The following ANO3 variants were observed in gnomAD, a reference collection of about 807,000 sequenced individuals.
ANO3 encodes anoctamin 3, also known as anoctamin-3.
Under a neutral mutation model 144.8 loss-of-function variants are expected in ANO3, and 99 were observed. That is an observed-to-expected ratio of 0.68 (90% CI 0.58 to 0.81). The LOEUF (loss-of-function observed/expected upper bound fraction) is 0.81. ANO3 is among the 30% of genes least tolerant of loss of function. The pLI is 0.00. For synonymous variants in ANO3, 414 were observed against 392.6 expected, an observed-to-expected ratio of 1.05 and a Z score of -0.64; for missense variants, 905 against 1,202.2, an observed-to-expected ratio of 0.75 and a Z score of 3.66.
chr11:26,476,897 G>T, intron 4 of ANO3, among the ~76,000 whole-genome samples: 1 of 122,852 alleles, frequency 8.1e-6, no homozygotes, highest in African/African-American at 2.9e-5. Context: ...TTTTGTGTGT[G>T]TGTGTATGTG....
chr11:26,444,073 CATT>C (rs1262059809), intron 3 of ANO3, among the ~76,000 whole-genome samples: 4 of 152,024 alleles, frequency 2.6e-5, no homozygotes, highest in Non-Finnish European at 4.4e-5. Flanking sequence ...CAATTTTTGC[CATT>C]ATTCTGAAAA....
intron 1 of ANO3, among the ~76,000 whole-genome samples, chr11:26,210,866 C>T (rs976899843): frequency 6.6e-6 from 1 of 151,916 alleles, no homozygotes; most frequent in Admixed American, 6.6e-5. Flanking sequence ...TGTTTATCAG[C>T]TTAAGGAGAT....
At chr11:26,307,757 TAAC>T (rs1554937096), upstream of ANO3, among the ~76,000 whole-genome samples, 1 of 144,840 alleles carries the variant, frequency 6.9e-6, no homozygotes, top group Admixed American at 6.9e-5. Flanking sequence ...ATAATAATAA[TAAC>T]AATTTAATGA....
chr11:26,350,910 C>G (rs151047693), intron 1 of ANO3, among the ~76,000 whole-genome samples: 8 of 152,162 alleles, frequency 5.3e-5, no homozygotes, highest in Non-Finnish European at 1.0e-4. Context: ...TGTAGGTTTT[C>G]TCATTAGCAA....
chr11:26,564,734 TATATATA>T (rs1565109031), intron 14 of ANO3, among the ~76,000 whole-genome samples: 2 of 17,434 alleles, frequency 1.1e-4, no homozygotes, highest in East Asian at 7.2e-3. Context: ...CACACACACA[TATATATA>T]TATATATATA....
intron 1 of ANO3, among the ~76,000 whole-genome samples, chr11:26,398,065 A>T (rs1857061751): frequency 1.3e-5 from 2 of 152,096 alleles, no homozygotes; most frequent in Non-Finnish European, 2.9e-5. Context: ...TGTATTGCAT[A>T]TGAAATGTAT....
chr11:26,609,228 G>T (rs1852021568), intron 17 of ANO3, among the ~76,000 whole-genome samples: 2 of 152,140 alleles, frequency 1.3e-5, no homozygotes, highest in African/African-American at 4.8e-5. Context: ...ACACCACAGT[G>T]CTGTTCCTTC....
At chr11:26,569,629 G>A (rs1850741109) in intron 14 of ANO3, among the ~76,000 whole-genome samples, 1 of 152,102 alleles carries the variant, frequency 6.6e-6, no homozygotes, top group South Asian at 2.1e-4. Flanking sequence ...GCAAGTGACA[G>A]AAGCCTAATG....
At chr11:26,231,592 G>A (rs1486229390) in intron 1 of ANO3, among the ~76,000 whole-genome samples, 1 of 152,136 alleles carries the variant, frequency 6.6e-6, no homozygotes, top group Non-Finnish European at 1.5e-5. Flanking sequence ...AGCTGAGAGA[G>A]TGTTATGACT....
chr11:26,622,189 C>T (rs1852435185), intron 17 of ANO3, among the ~76,000 whole-genome samples: 1 of 152,148 alleles, frequency 6.6e-6, no homozygotes, highest in Non-Finnish European at 1.5e-5. Flanking sequence ...CTTGCAACAG[C>T]ATTATGGCAT....
upstream of ANO3, among the ~76,000 whole-genome samples, chr11:26,327,168 C>T (rs979299865): frequency 6.6e-6 from 1 of 152,138 alleles, no homozygotes; most frequent in East Asian, 1.9e-4. Context: ...ATTCATTCAG[C>T]AAATATTTAT....
At chr11:26,390,488 G>A (rs1461381) in intron 1 of ANO3, among the ~76,000 whole-genome samples, 144,348 of 152,070 alleles carry the variant, frequency 0.95, 68,556 homozygotes, top group East Asian at 1. Flanking sequence ...ATATCCACCA[G>A]TGTATTTGGT....
intron 13 of ANO3, among the ~76,000 whole-genome samples, chr11:26,557,078 G>A (rs545613283): frequency 6.6e-6 from 1 of 152,158 alleles, no homozygotes; most frequent in Admixed American, 6.5e-5. Context: ...AGAGAAATCA[G>A]GTGTCAAAGA....
chr11:26,314,200 G>T (rs533059298), intron 1 of ANO3, among the ~76,000 whole-genome samples: 35 of 151,932 alleles, frequency 2.3e-4, no homozygotes, highest in African/African-American at 8.4e-4. Context: ...TGAGAAGAGG[G>T]GTTATAGAGC....
upstream of ANO3, among the ~76,000 whole-genome samples, chr11:26,329,313 CACACACACACACACAGAG>C (rs922656752): frequency 1.1e-4 from 9 of 78,632 alleles, no homozygotes; most frequent in African/African-American, 2.8e-4. Flanking sequence ...CACACACACA[CACACACACACACACAGAG>C]AGAGAGAGAG....
intron 1 of ANO3, among the ~76,000 whole-genome samples, chr11:26,203,565 G>A (rs1054362682): frequency 2.8e-4 from 43 of 152,090 alleles, no homozygotes; most frequent in African/African-American, 9.9e-4. Flanking sequence ...TCATTGATTT[G>A]GGGGAGAGGT....
chr11:26,594,069 C>A (rs1270954144), intron 14 of ANO3, among the ~76,000 whole-genome samples: 1 of 152,136 alleles, frequency 6.6e-6, no homozygotes, highest in Non-Finnish European at 1.5e-5. Context: ...GTATGCTTCC[C>A]CAATGCCTCC....
Position 26,319,045 on chromosome 11 carries a change from C to T in ANO3, c.-3+9326C>T, listed in dbSNP as rs116148362. 4.0e-3 allele frequency among the ~76,000 whole-genome samples: 609 copies of T among 152,078 alleles called. 3 individuals carry two copies. Among genetic ancestry groups the T allele is most frequent in the African/African-American group, 0.014 (564 of 41,488 alleles). ...AGGCTGGAGTGGAATGTCAGGGCCA[C>T]GGCTCACTGTAGCCTCAAGCTCCCA... On this transcript the variant is annotated intron_variant, in intron 1 of 26. Transcript: ENST00000525139.
At chr11:26,502,784 G>A (rs539433306) in intron 4 of ANO3, among the ~76,000 whole-genome samples, 1 of 149,160 alleles carries the variant, frequency 6.7e-6, no homozygotes, top group African/African-American at 2.5e-5. Context: ...ATTTTCTTTA[G>A]CCCTACAGTT....
Sources: allele counts gnomAD v4.1 joint callset (sites outside exome capture counted in the v4.1 genomes callset), GRCh38; gene constraint gnomAD v4.1.1; transcripts MANE v1.5; gene names NCBI Gene and HGNC (gene_info 2026-07-23, HGNC 2026-07-21).